The following MVB12B variants were observed in gnomAD, a reference collection of about 807,000 sequenced individuals.
MVB12B encodes the protein ESCRT-I complex subunit MVB12B.
In MVB12B, 16 loss-of-function variants were observed where a neutral mutation model predicts 41.6. The observed-to-expected ratio is 0.38, with a 90% CI of 0.26 to 0.58. The LOEUF is 0.58. Ranked by LOEUF, MVB12B falls within the 20% of genes least tolerant of loss-of-function variation. The pLI is 0.62. For missense variants in MVB12B, 274 were observed against 380.2 expected (o/e 0.72, Z 2.32); for synonymous variants, 133 against 139.7 (o/e 0.95, Z 0.34).
chr9:126,329,796 T>C (rs1385242610), intron 1 of MVB12B, among the ~76,000 whole-genome samples: 1 of 152,176 alleles, frequency 6.6e-6, no homozygotes, highest in African/African-American at 2.4e-5. Context: ...CACACTGTGT[T>C]GCAGAGCCTC....
At chr9:126,430,749 G>A (rs926107395) in intron 7 of MVB12B, among the ~76,000 whole-genome samples, 3 of 151,952 alleles carry the variant, frequency 2.0e-5, no homozygotes, top group African/African-American at 7.3e-5. Context: ...TCAGAATCTT[G>A]GCTCTGACAC....
intron 9 of MVB12B, among the ~76,000 whole-genome samples, chr9:126,497,307 G>C (rs1426169461): frequency 1.3e-5 from 2 of 152,124 alleles, no homozygotes; most frequent in Non-Finnish European, 2.9e-5. Flanking sequence ...TCCCAGGTTA[G>C]AGCTCATGAA....
At chr9:126,456,077 A>C (rs1020010153) in intron 7 of MVB12B, among the ~76,000 whole-genome samples, 1 of 151,608 alleles carries the variant, frequency 6.6e-6, no homozygotes, top group East Asian at 1.9e-4. Flanking sequence ...TTTAGTAGAG[A>C]CGGGGTTTCA....
In MVB12B at chr9:126,478,495, C is replaced by T. The variant is rs957531202; in HGVS notation, c.758-2874C>T. Among the ~76,000 whole-genome samples the T allele has an allele frequency of 6.6e-6, 1 of 152,164 alleles. No individual in the cohort carries two copies. The highest frequency in any genetic ancestry group is 1.5e-5 in the Non-Finnish European group (1 of 68,034). ...AGAGGAGACACGGGCCTGGCCAGAC[C>T]CCAGGGAGGACCTCGGGGAAGGCAT... On this transcript the variant is annotated intron_variant, in intron 7 of 9. Transcript: ENST00000361171. The surrounding 1 kb of genome is among the most constrained non-coding windows in gnomAD (Gnocchi z 4.2).
chr9:126,490,949 TC>T (rs1833718916), intron 9 of MVB12B, among the ~76,000 whole-genome samples: 1 of 152,246 alleles, frequency 6.6e-6, no homozygotes, highest in Non-Finnish European at 1.5e-5. Flanking sequence ...GGCATTTTTT[TC>T]AGTTCCCAAA....
In MVB12B at chr9:126,453,659, C is replaced by T. The variant is rs138468083; in HGVS notation, c.758-27710C>T. On this transcript the variant is annotated intron_variant, in intron 7 of 9. Transcript: ENST00000361171. ...TGCCCCTTCTCACATGTGCATAACT[C>T]GTACATGGACACAATCTCACATGCG... Among the ~76,000 whole-genome samples the T allele has an allele frequency of 5.1e-4, 78 of 152,344 alleles. No homozygotes were observed. The East Asian group carries it at 0.014, about 27-fold the overall frequency.
At position 126,417,412 on chromosome 9, in the gene MVB12B, G is replaced by A. The variant is rs550131485; in HGVS notation, c.663-4442G>A. Among the ~76,000 whole-genome samples, 384 of 152,130 alleles carry A rather than the reference G, an allele frequency of 2.5e-3. 1 individual carries two copies. The highest frequency in any genetic ancestry group is 4.8e-3 in the Non-Finnish European group (326 of 68,018). On this transcript the variant is annotated intron_variant, in intron 6 of 9. Transcript: ENST00000361171. ...TTTTTTCCCTTCTTGTAAATTCCTGGTTGCTGCTGCTGCTGATTTCTTCTT... is the reference window on the plus strand; with the variant it reads ...TTTTTTCCCTTCTTGTAAATTCCTGATTGCTGCTGCTGCTGATTTCTTCTT...
chr9:126,327,265 G>A (rs1465164255), intron 1 of MVB12B: 2 of 984,486 alleles, frequency 2.0e-6, no homozygotes, highest in East Asian at 1.1e-4. Context: ...TGGGGGACCC[G>A]AGTGCCAGCA....
intron 7 of MVB12B, among the ~76,000 whole-genome samples, chr9:126,444,652 T>C (rs1832721182): frequency 6.6e-6 from 1 of 152,244 alleles, no homozygotes. Flanking sequence ...CCTTTATGTT[T>C]TGTGTCTTTG....
intron 6 of MVB12B, among the ~76,000 whole-genome samples, chr9:126,410,726 C>G (rs1021767069): frequency 6.6e-6 from 1 of 152,064 alleles, no homozygotes; most frequent in Admixed American, 6.5e-5. Context: ...TGTCTAGACT[C>G]TTGAATTACT....
chr9:126,427,641 A>C (rs1832218407), intron 7 of MVB12B, among the ~76,000 whole-genome samples: 1 of 152,264 alleles, frequency 6.6e-6, no homozygotes, highest in Non-Finnish European at 1.5e-5. Context: ...AAATTGACAT[A>C]GTAAAATTAA....
intron 2 of MVB12B, among the ~76,000 whole-genome samples, chr9:126,374,376 A>G (rs532049301): frequency 2.1e-4 from 32 of 152,222 alleles, no homozygotes; most frequent in Middle Eastern, 3.2e-3. Context: ...TACAGTGAAC[A>G]TGCCTTACAG....
intron 6 of MVB12B, among the ~76,000 whole-genome samples, chr9:126,407,548 G>A (rs141049105): frequency 1.5e-4 from 23 of 152,276 alleles, no homozygotes; most frequent in African/African-American, 4.8e-4. Context: ...GTGAGTGTCT[G>A]AGTTAAGCAT....
At chr9:126,463,144 G>T (rs914524991) in intron 7 of MVB12B, among the ~76,000 whole-genome samples, 3 of 152,204 alleles carry the variant, frequency 2.0e-5, no homozygotes, top group Non-Finnish European at 4.4e-5. Flanking sequence ...GCTTTCAAGA[G>T]AAGCCCTTTC....
intron 9 of MVB12B, among the ~76,000 whole-genome samples, chr9:126,496,416 A>C (rs1588214035): frequency 1.5e-4 from 13 of 85,616 alleles, no homozygotes; most frequent in Admixed American, 4.3e-4. Flanking sequence ...TCACTCACCC[A>C]CCCATTCATC....
At chr9:126,446,072 T>G (rs1399315589) in intron 7 of MVB12B, among the ~76,000 whole-genome samples, 1 of 152,212 alleles carries the variant, frequency 6.6e-6, no homozygotes, top group Non-Finnish European at 1.5e-5. Flanking sequence ...AAGTCTGATA[T>G]AGATTTGGGG....
intron 9 of MVB12B, among the ~76,000 whole-genome samples, chr9:126,501,433 G>A (rs998293968): frequency 2.0e-5 from 3 of 152,222 alleles, no homozygotes. Flanking sequence ...CAGATGCTGT[G>A]AACAGGGCTC....
intron 9 of MVB12B, 29 bp from the exon 10 acceptor site, chr9:126,503,148 T>C: frequency 6.5e-7 from 1 of 1,535,642 alleles, no homozygotes; most frequent in Non-Finnish European, 8.8e-7. Context: ...GGACTGACTG[T>C]GTCTCTCTGT....
intron 6 of MVB12B, among the ~76,000 whole-genome samples, chr9:126,407,503 T>TA (rs1333441752): frequency 1.3e-5 from 2 of 152,230 alleles, no homozygotes; most frequent in African/African-American, 4.8e-5. Context: ...GCGTCATTAA[T>TA]AACCATTATT....
Sources: allele counts gnomAD v4.1 joint callset (sites outside exome capture counted in the v4.1 genomes callset), GRCh38; gene constraint gnomAD v4.1.1; non-coding constraint Gnocchi (gnomAD v3.1); transcripts MANE v1.5; gene names NCBI Gene and HGNC (gene_info 2026-07-23, HGNC 2026-07-21).